Variants in OSBPL3 observed in about 807,000 individuals in gnomAD.
OSBPL3 encodes oxysterol binding protein like 3.
A neutral mutation model predicts 120.1 loss-of-function variants in OSBPL3; 65 were observed. The ratio of observed to expected loss-of-function variants is 0.54; its 90% CI spans 0.44 to 0.67. The LOEUF (loss-of-function observed/expected upper bound fraction) is 0.67. OSBPL3 is among the 30% of genes least tolerant of loss of function. The pLI, the probability that OSBPL3 is intolerant of heterozygous loss-of-function variation, is 0.00. For synonymous variants in OSBPL3, 416 were observed against 402.6 expected (o/e 1.03, Z -0.40); for missense variants, 1,004 against 1,082.1 (o/e 0.93, Z 1.01).
Position 24,810,058 on chromosome 7 carries a change from A to G in OSBPL3, c.2173-107T>C. ...GAGAAAGGACTGTAAGAGTGGCTCC[A>G]TACTGCATATTAGTTTGCTAGTTCT... On this transcript the variant is annotated intron_variant, in intron 19 of 22. Transcript: ENST00000313367. 4 of 1,172,930 alleles carry G rather than the reference A, an allele frequency of 3.4e-6. No individual in the cohort carries two copies. In the South Asian group the frequency reaches 5.7e-5, roughly 17 times the overall value. 72.7% of individuals were successfully genotyped at this position (1,172,930 alleles called of 1,614,324 possible). A position where few individuals can be genotyped will look rare whatever the true frequency, so the allele number is the denominator to read the frequency against.
At chr7:24,901,712 G>C (rs1562905305) in intron 1 of OSBPL3, among the ~76,000 whole-genome samples, 2 of 152,200 alleles carry the variant, frequency 1.3e-5, no homozygotes, top group African/African-American at 4.8e-5. Context: ...AACCTCCACA[G>C]GTATTTCTGG....
Position 24,849,907 on chromosome 7 carries a change from T to C in OSBPL3, c.1159-731A>G, listed in dbSNP as rs1254219587. Among the ~76,000 whole-genome samples the C allele has an allele frequency of 6.8e-6, 1 of 146,984 alleles. No individual in the cohort carries two copies. Among genetic ancestry groups the C allele is most frequent in the Non-Finnish European group, 1.5e-5 (1 of 67,128 alleles). ...GAGGCTGACAGATGTTGCAGCGAGC[T>C]GAGATTGCGGCCTGGGTGAGAGTGA... On this transcript the variant is annotated intron_variant, in intron 11 of 22. Coordinates refer to ENST00000313367, the MANE Select transcript of OSBPL3 (RefSeq NM_015550.4). This position sits in a 1 kb window ranked among gnomAD's most constrained non-coding sequence, Gnocchi z 5.4.
Position 24,972,776 on chromosome 7 carries a change from T to C in OSBPL3, c.-150+7110A>G, listed in dbSNP as rs1485925888. Among the ~76,000 whole-genome samples, 1 of 152,270 alleles carries C rather than the reference T, an allele frequency of 6.6e-6. No individual in the cohort carries two copies. On this transcript the variant is annotated intron_variant, in intron 1 of 22. Coordinates refer to ENST00000313367, the MANE Select transcript of OSBPL3 (RefSeq NM_015550.4). This position sits in a 1 kb window ranked among gnomAD's most constrained non-coding sequence, Gnocchi z 4.3. The stretch of plus-strand genomic sequence containing the variant: ...TGTAGATTAAAATATATATATTAGC[T>C]TTAGCTTCTAAACATTTCAGATGAC...
intron 19 of OSBPL3, among the ~76,000 whole-genome samples, chr7:24,811,303 A>G (rs1793766446): frequency 6.6e-6 from 1 of 152,134 alleles, no homozygotes; most frequent in African/African-American, 2.4e-5. Flanking sequence ...TCATATATCT[A>G]TTGGCCACTT....
At chr7:24,884,204 A>C (rs1222089159) in intron 2 of OSBPL3, among the ~76,000 whole-genome samples, 2 of 152,162 alleles carry the variant, frequency 1.3e-5, no homozygotes. Context: ...TTTAAATAAC[A>C]ACCATTTGTA....
chr7:24,843,085 C>G (rs1049774964), intron 12 of OSBPL3, among the ~76,000 whole-genome samples: 1 of 152,114 alleles, frequency 6.6e-6, no homozygotes, highest in African/African-American at 2.4e-5. Flanking sequence ...CTCGCATGAC[C>G]CTCCATTCTC....
chr7:24,929,823 T>C (rs536991924), intron 1 of OSBPL3, among the ~76,000 whole-genome samples: 1 of 152,252 alleles, frequency 6.6e-6, no homozygotes, highest in Non-Finnish European at 1.5e-5. Context: ...TGGTCATGTA[T>C]GTTTTGCTCA....
chr7:24,811,128 T>A (rs532552618), intron 19 of OSBPL3, among the ~76,000 whole-genome samples: 3 of 152,388 alleles, frequency 2.0e-5, no homozygotes, highest in African/African-American at 7.2e-5. Context: ...ATAGCTGTGC[T>A]AATTTACATT....
intron 1 of OSBPL3, among the ~76,000 whole-genome samples, chr7:24,923,494 G>T (rs1810658891): frequency 1.3e-5 from 2 of 152,192 alleles, no homozygotes; most frequent in Admixed American, 1.3e-4. Context: ...TCAGTAGATG[G>T]GTAGGACTGC....
At position 24,877,627 on chromosome 7, in the gene OSBPL3, G is replaced by T. The variant is rs1331083216; in HGVS notation, c.97-5558C>A. Reference sequence around the variant, plus strand: ...CTGAATGAGTCTGCAAAGCAAGGGGGGTATCAAAAGAGTCCCCCAGAACCT... The same window carrying T: ...CTGAATGAGTCTGCAAAGCAAGGGGTGTATCAAAAGAGTCCCCCAGAACCT... On this transcript the variant is annotated intron_variant, in intron 2 of 22. Coordinates refer to ENST00000313367, the MANE Select transcript of OSBPL3 (RefSeq NM_015550.4). The surrounding 1 kb of genome is among the most constrained non-coding windows in gnomAD (Gnocchi z 4.8). Among the ~76,000 whole-genome samples the T allele has an allele frequency of 6.6e-6, 1 of 152,076 alleles. No individual in the cohort carries two copies. Among genetic ancestry groups the T allele is most frequent in the Non-Finnish European group, 1.5e-5 (1 of 68,004 alleles).
Position 24,822,290 on chromosome 7 carries a change from C to T in OSBPL3, c.1885-2052G>A, listed in dbSNP as rs1413139890. ...AAAACAACGGAGCTAGCTTTGAAACCATGGGATCATATAAAACAAAATCAA... is the reference window on the plus strand; with the variant it reads ...AAAACAACGGAGCTAGCTTTGAAACTATGGGATCATATAAAACAAAATCAA... On this transcript the variant is annotated intron_variant, in intron 16 of 22. Coordinates refer to ENST00000313367, the MANE Select transcript of OSBPL3 (RefSeq NM_015550.4). The surrounding 1 kb of genome is among the most constrained non-coding windows in gnomAD (Gnocchi z 5.8). Among the ~76,000 whole-genome samples, 3 of 152,124 alleles carry T rather than the reference C, an allele frequency of 2.0e-5. No homozygotes were observed. The highest frequency in any genetic ancestry group is 7.2e-5 in the African/African-American group (3 of 41,442).
At position 24,879,655 on chromosome 7, in the gene OSBPL3, T is replaced by A. The variant is rs117551284; in HGVS notation, c.97-7586A>T. On this transcript the variant is annotated intron_variant, in intron 2 of 22. Coordinates refer to ENST00000313367, the MANE Select transcript of OSBPL3 (RefSeq NM_015550.4). This position sits in a 1 kb window ranked among gnomAD's most constrained non-coding sequence, Gnocchi z 5.6. ...GCAGCTGATACTGACAACAAGGAGA[T>A]AAAATCCTGTGGGCTGCCAGCTCTG... Among the ~76,000 whole-genome samples the A allele has an allele frequency of 3.3e-5, 5 of 152,216 alleles. No individual in the cohort carries two copies. Among genetic ancestry groups the A allele is most frequent in the African/African-American group, 9.6e-5 (4 of 41,452 alleles).
chr7:24,935,843 A>C (rs1812341975), intron 1 of OSBPL3, among the ~76,000 whole-genome samples: 1 of 150,592 alleles, frequency 6.6e-6, no homozygotes, highest in African/African-American at 2.4e-5. Flanking sequence ...GAAAAAGACC[A>C]AAAAAAAGGT....
In OSBPL3 at chr7:24,817,328, C is replaced by T. The variant is rs1015847090; in HGVS notation, c.1949-640G>A. ...GATCAGGAGTTCGAGACCAGCACAGCCAACATGGCGAAACCCCTTCTCTAT... is the reference window on the plus strand; with the variant it reads ...GATCAGGAGTTCGAGACCAGCACAGTCAACATGGCGAAACCCCTTCTCTAT... On this transcript the variant is annotated intron_variant, in intron 17 of 22. Coordinates refer to ENST00000313367, the MANE Select transcript of OSBPL3 (RefSeq NM_015550.4). The surrounding 1 kb of genome is among the most constrained non-coding windows in gnomAD (Gnocchi z 4.0). Among the ~76,000 whole-genome samples, 1 of 152,082 alleles carries T rather than the reference C, an allele frequency of 6.6e-6. No homozygotes were observed. Among genetic ancestry groups the T allele is most frequent in the African/African-American group, 2.4e-5 (1 of 41,372 alleles).
chr7:24,829,881 T>C (rs1221606135), intron 16 of OSBPL3, among the ~76,000 whole-genome samples: 1 of 152,320 alleles, frequency 6.6e-6, no homozygotes, highest in Non-Finnish European at 1.5e-5. Context: ...TCTGCTGGCA[T>C]GCATCAATAA....
chr7:24,860,781 G>A (rs1800421048), intron 10 of OSBPL3, among the ~76,000 whole-genome samples: 1 of 152,190 alleles, frequency 6.6e-6, no homozygotes, highest in Non-Finnish European at 1.5e-5. Flanking sequence ...TTGCTGAGGA[G>A]TATTCCATTG....
At position 24,831,493 on chromosome 7, in the gene OSBPL3, CA is replaced by C. The variant is rs148829949; in HGVS notation, c.1747-589del. 0.11 allele frequency among the ~76,000 whole-genome samples: 16,451 copies of C among 148,372 alleles called. 1,172 individuals are homozygous for C. The highest frequency in any genetic ancestry group is 0.17 in the Non-Finnish European group (11,317 of 66,986). ...TTTTTGGGAGGAAAAGTGAAACATC[CA>C]AAAAAAAAATTAAAATAAAGAGAGG... On this transcript the variant is annotated intron_variant, in intron 15 of 22. Transcript: ENST00000313367. This position sits in a 1 kb window ranked among gnomAD's most constrained non-coding sequence, Gnocchi z 4.0.
intron 1 of OSBPL3, among the ~76,000 whole-genome samples, chr7:24,907,285 T>C (rs777673995): frequency 6.6e-6 from 1 of 152,180 alleles, no homozygotes; most frequent in African/African-American, 2.4e-5. Context: ...CAAGCTTAAG[T>C]AAAATAGCAA....
Position 24,873,496 on chromosome 7 carries a change from A to G in OSBPL3, c.97-1427T>C, listed in dbSNP as rs1482659304. Among the ~76,000 whole-genome samples the G allele has an allele frequency of 1.3e-5, 2 of 152,228 alleles. No homozygotes were observed. Among genetic ancestry groups the G allele is most frequent in the African/African-American group, 4.8e-5 (2 of 41,454 alleles). On this transcript the variant is annotated intron_variant, in intron 2 of 22. Coordinates refer to ENST00000313367, the MANE Select transcript of OSBPL3 (RefSeq NM_015550.4). The surrounding 1 kb of genome is among the most constrained non-coding windows in gnomAD (Gnocchi z 4.1). ...AAGGTACATTCCAGAGTTTTAAAAT[A>G]TCACAGTGGTATCCCAAGATCTGGA...
Sources: gnomAD v4.1 joint callset for allele counts (sites outside exome capture counted in the v4.1 genomes callset) on GRCh38, gnomAD v4.1.1 for gene constraint, Gnocchi (gnomAD v3.1) non-coding constraint, MANE v1.5 for transcripts, NCBI Gene and HGNC (gene_info 2026-07-23, HGNC 2026-07-21) for gene names.